The following PLPPR1 variants were observed in gnomAD, a reference collection of about 807,000 sequenced individuals.
The protein encoded by PLPPR1 is phospholipid phosphatase related 1, also known as phospholipid phosphatase-related protein type 1.
In PLPPR1, 10 loss-of-function variants were observed where a neutral mutation model predicts 33.1. That is an observed-to-expected ratio of 0.30 (90% CI 0.19 to 0.51). The LOEUF is 0.51. Ranked by LOEUF, PLPPR1 falls within the 20% of genes least tolerant of loss-of-function variation. PLPPR1 has a pLI of 0.97. For synonymous variants in PLPPR1, 151 were observed against 151.0 expected (o/e 1.00, Z 0.00); for missense variants, 304 against 408.1 (o/e 0.74, Z 2.20).
At chr9:101,291,924 G>A (rs903259006) in intron 4 of PLPPR1, among the ~76,000 whole-genome samples, 2 of 152,214 alleles carry the variant, frequency 1.3e-5, no homozygotes, top group Non-Finnish European at 2.9e-5. Flanking sequence ...ACCAGCAACA[G>A]AACAAAGCTG....
chr9:101,194,682 C>T (rs1177513219), intron 2 of PLPPR1, among the ~76,000 whole-genome samples: 1 of 147,704 alleles, frequency 6.8e-6, no homozygotes, highest in South Asian at 2.2e-4. Context: ...ACCCGGGAGG[C>T]GGAGGTTGCG....
intron 1 of PLPPR1, among the ~76,000 whole-genome samples, chr9:101,163,899 A>G (rs1023635926): frequency 2.6e-5 from 4 of 152,166 alleles, no homozygotes; most frequent in Non-Finnish European, 5.9e-5. Flanking sequence ...ATGACATAGG[A>G]AAGAAGAGCA....
chr9:101,088,007 C>T (rs1830699057), intron 1 of PLPPR1, among the ~76,000 whole-genome samples: 1 of 152,144 alleles, frequency 6.6e-6, no homozygotes, highest in Non-Finnish European at 1.5e-5. Context: ...AGTTTGTCAA[C>T]ACTGCACGAA....
At chr9:101,232,175 CGTTTT>C (rs1827200230) in intron 2 of PLPPR1, among the ~76,000 whole-genome samples, 1 of 151,950 alleles carries the variant, frequency 6.6e-6, no homozygotes, top group Non-Finnish European at 1.5e-5. Flanking sequence ...TTTCTGGTGC[CGTTTT>C]ATTTTTTTAA....
intron 1 of PLPPR1, among the ~76,000 whole-genome samples, chr9:101,183,839 ATT>A (rs755124495): frequency 1.3e-5 from 2 of 151,646 alleles, no homozygotes; most frequent in African/African-American, 2.4e-5. Context: ...GTTATTCTTT[ATT>A]AATTACATGG....
intron 2 of PLPPR1, among the ~76,000 whole-genome samples, chr9:101,208,210 T>C (rs966355027): frequency 5.3e-5 from 8 of 152,170 alleles, no homozygotes; most frequent in African/African-American, 1.9e-4. Flanking sequence ...GATTTAGGAT[T>C]TTTAAGGGGA....
intron 1 of PLPPR1, among the ~76,000 whole-genome samples, chr9:101,170,119 C>T (rs181653528): frequency 6.0e-4 from 91 of 152,196 alleles, no homozygotes; most frequent in African/African-American, 2.0e-3. Context: ...ATGTGCCAAG[C>T]ACTGTATGAA....
chr9:101,199,642 T>G (rs1826459344), intron 2 of PLPPR1, among the ~76,000 whole-genome samples: 2 of 152,214 alleles, frequency 1.3e-5, no homozygotes, highest in Non-Finnish European at 1.5e-5. Flanking sequence ...CTCATTATAT[T>G]TTCTTTAGGA....
intron 1 of PLPPR1, among the ~76,000 whole-genome samples, chr9:101,129,570 G>A (rs572559095): frequency 4.6e-5 from 7 of 152,284 alleles, no homozygotes; most frequent in South Asian, 2.1e-4. Context: ...AGTGTCTCAC[G>A]CCTGTAATCC....
chr9:101,199,632 C>G (rs1826459084), intron 2 of PLPPR1, among the ~76,000 whole-genome samples: 2 of 152,154 alleles, frequency 1.3e-5, no homozygotes, highest in African/African-American at 2.4e-5. Context: ...CATCCATATA[C>G]TCATTATATT....
intron 2 of PLPPR1, among the ~76,000 whole-genome samples, chr9:101,257,831 T>TTG (rs1827829686): frequency 6.6e-6 from 1 of 151,884 alleles, no homozygotes; most frequent in Non-Finnish European, 1.5e-5. Flanking sequence ...ATCCTATTTT[T>TTG]TTTTAGATTA....
chr9:101,296,784 T>C (rs1828650976), intron 4 of PLPPR1, among the ~76,000 whole-genome samples: 2 of 149,712 alleles, frequency 1.3e-5, no homozygotes, highest in African/African-American at 2.5e-5. Flanking sequence ...CATCACACTC[T>C]GGGGACTGTT....
At chr9:101,161,589 TATAAG>T (rs1167977449) in intron 1 of PLPPR1, among the ~76,000 whole-genome samples, 2 of 152,098 alleles carry the variant, frequency 1.3e-5, no homozygotes, top group African/African-American at 4.8e-5. Context: ...GTGCCTGCCT[TATAAG>T]ATTATTATGG....
intron 3 of PLPPR1, among the ~76,000 whole-genome samples, chr9:101,278,664 GC>G (rs1828241672): frequency 6.6e-6 from 1 of 152,132 alleles, no homozygotes; most frequent in Non-Finnish European, 1.5e-5. Context: ...AGGCAGGCTG[GC>G]AGGCACCCAC....
chr9:101,297,346 G>T (rs75068218), intron 4 of PLPPR1, among the ~76,000 whole-genome samples: 3,022 of 152,248 alleles, frequency 0.02, 43 homozygotes, highest in Middle Eastern at 0.068. Flanking sequence ...GTCTCCTCTC[G>T]TCTGTGTGGC....
intron 2 of PLPPR1, among the ~76,000 whole-genome samples, chr9:101,196,116 A>G (rs1826389052): frequency 6.6e-6 from 1 of 152,094 alleles, no homozygotes; most frequent in Non-Finnish European, 1.5e-5. Context: ...ACCAGTCTAG[A>G]CCATCATTGA....
intron 1 of PLPPR1, among the ~76,000 whole-genome samples, chr9:101,124,095 G>A (rs1490199698): frequency 6.6e-6 from 1 of 152,092 alleles, no homozygotes; most frequent in East Asian, 1.9e-4. Flanking sequence ...AGCATAAAAG[G>A]TGGCCTCTTT....
At chr9:101,203,613 A>G (rs2118752378) in intron 2 of PLPPR1, among the ~76,000 whole-genome samples, 1 of 152,182 alleles carries the variant, frequency 6.6e-6, no homozygotes, top group South Asian at 2.1e-4. Flanking sequence ...TCTAGTAGAA[A>G]TTGGGAGGAA....
chr9:101,290,922 A>AGACAGTGGGCGCAG (rs1828487240), intron 4 of PLPPR1, among the ~76,000 whole-genome samples: 2 of 152,342 alleles, frequency 1.3e-5, no homozygotes, highest in African/African-American at 4.8e-5. Flanking sequence ...AGGGAGTGCC[A>AGACAGTGGGCGCAG]GACAGTGGGC....
Sources: allele counts gnomAD v4.1 joint callset (sites outside exome capture counted in the v4.1 genomes callset), GRCh38; gene constraint gnomAD v4.1.1; transcripts MANE v1.5; gene names NCBI Gene and HGNC (gene_info 2026-07-23, HGNC 2026-07-21).